Variants in SSUH2 observed in about 807,000 individuals in gnomAD.
SSUH2 encodes the protein protein SSUH2 homolog.
In SSUH2, 47 loss-of-function variants were observed where a neutral mutation model predicts 55.3. That is an observed-to-expected ratio of 0.85 (90% CI 0.67 to 1.08). The LOEUF is 1.08. Ranked by LOEUF, SSUH2 falls within the 50% of genes least tolerant of loss-of-function variation. The probability of loss-of-function intolerance (pLI) is 0.00; values close to 1 mark genes in which losing one functional copy is unlikely to be tolerated. For synonymous variants in SSUH2, 212 were observed against 191.5 expected, an observed-to-expected ratio of 1.11 and a Z score of -0.89; for missense variants, 535 against 490.7, an observed-to-expected ratio of 1.09 and a Z score of -0.85.
chr3:8,623,515 G>A (rs557402819), intron 11 of SSUH2, 34 bp downstream of exon 11: 174 of 1,272,748 alleles, frequency 1.4e-4, no homozygotes, highest in African/African-American at 4.3e-4. Context: ...AGGAAGAGAC[G>A]TCAGAGCCAG....
intron 7 of SSUH2, among the ~76,000 whole-genome samples, chr3:8,656,344 A>T (rs915735265): frequency 2.0e-5 from 3 of 152,266 alleles, no homozygotes; most frequent in Non-Finnish European, 2.9e-5. Flanking sequence ...CTTCTAACAT[A>T]CAGGAAATGA....
intron 10 of SSUH2, among the ~76,000 whole-genome samples, chr3:8,624,768 A>C (rs907775235): frequency 1.3e-5 from 2 of 152,214 alleles, no homozygotes; most frequent in African/African-American, 4.8e-5. Flanking sequence ...AAAGGCAGGC[A>C]GTGGGCTGGG....
chr3:8,648,636 T>G (rs971860483), upstream of SSUH2, among the ~76,000 whole-genome samples: 5 of 152,214 alleles, frequency 3.3e-5, no homozygotes, highest in Non-Finnish European at 7.3e-5. Flanking sequence ...TCTGTGACTC[T>G]GGTCTGCTGC....
At chr3:8,631,548 G>A (rs1382350010) in intron 5 of SSUH2, among the ~76,000 whole-genome samples, 2 of 152,168 alleles carry the variant, frequency 1.3e-5, no homozygotes, top group African/African-American at 4.8e-5. Flanking sequence ...TAAAAGAAGT[G>A]ACACGTGAGC....
chr3:8,623,641 CCACGATGGGGTA>C lies in SSUH2; in HGVS notation c.877_888del (p.Tyr293_Val296del). ...AGAGAGATGTCTCGCAGAGGGAAGT[CCACGATGGGGTA>C]CACCTGGGGGAAAGAGAGAGAGACA... On this transcript the variant is annotated inframe_deletion, in exon 11 of 12. Transcript: ENST00000544814. 1.3e-6 allele frequency: 2 copies of C among 1,531,660 alleles called. No individual in the cohort carries two copies. The highest frequency in any genetic ancestry group is 1.8e-6 in the Non-Finnish European group (2 of 1,131,382). 94.9% of individuals were successfully genotyped at this position (1,531,660 alleles called of 1,614,324 possible).
chr3:8,679,721 A>G, exon 2 of SSUH2: 1 of 186,660 alleles, frequency 5.4e-6, no homozygotes, highest in Non-Finnish European at 1.0e-5. Flanking sequence ...GACTGTGGGT[A>G]TTAGGTGTCT....
At chr3:8,623,486 A>C (rs1454589598) in intron 11 of SSUH2, 63 bp downstream of exon 11, 2 of 1,010,630 alleles carry the variant, frequency 2.0e-6, no homozygotes, top group Admixed American at 2.0e-5. Flanking sequence ...CGTTCTCAGG[A>C]AAGAGGGCTC....
Position 8,629,656 on chromosome 3 carries a change from T to G in SSUH2, c.588+8A>C. ...CACTGACTCACCAGTGGTTCACAGA[T>G]GACTCACCGTGCCCGCCCCGTGGCA... On this transcript the variant is annotated splice_region_variant and intron_variant, in intron 7 of 11. Coordinates refer to ENST00000544814, the MANE Select transcript of SSUH2 (RefSeq NM_001256748.3). The G allele has an allele frequency of 6.2e-7, 1 of 1,614,096 alleles. No individual in the cohort carries two copies. The highest frequency in any genetic ancestry group is 8.5e-7 in the Non-Finnish European group (1 of 1,179,986).
chr3:8,656,930 G>C (rs1404230969), intron 7 of SSUH2, among the ~76,000 whole-genome samples: 1 of 152,092 alleles, frequency 6.6e-6, no homozygotes, highest in Non-Finnish European at 1.5e-5. Context: ...ACCCAGGCTG[G>C]AGTGCAGTAG....
chr3:8,619,903 G>A lies in SSUH2; in HGVS notation c.1093C>T (p.Pro365Ser). 1 of 1,614,182 alleles carries A rather than the reference G, an allele frequency of 6.2e-7. No individual in the cohort carries two copies. ...TDHQVYAVDYPERYCCGCTIV is the reference protein window; with the variant it reads ...TDHQVYAVDYSERYCCGCTIV Reference sequence around the variant, plus strand: ...GTACAGCCACAGCAATACCGCTCAGGATAGTCCACCGCATACACCTGGTGG... The same window carrying A: ...GTACAGCCACAGCAATACCGCTCAGAATAGTCCACCGCATACACCTGGTGG... Residue 365 changes from proline to serine, a missense_variant, in exon 12 of 12, where the codon CCT becomes TCT. Physicochemically the swap from Pro to Ser is moderately conservative, Grantham distance 74. Coordinates refer to ENST00000544814, the MANE Select transcript of SSUH2 (RefSeq NM_001256748.3).
At chr3:8,673,283 T>C (rs1468471861) in intron 3 of SSUH2, among the ~76,000 whole-genome samples, 1 of 152,144 alleles carries the variant, frequency 6.6e-6, no homozygotes, top group Admixed American at 6.5e-5. Context: ...TGATCAGTTA[T>C]TAATATTGAT....
chr3:8,645,809 C>A (rs898708235), upstream of SSUH2, among the ~76,000 whole-genome samples: 5 of 152,202 alleles, frequency 3.3e-5, no homozygotes, highest in African/African-American at 7.2e-5. Context: ...TGGCTCCCAG[C>A]TGCTCCATAA....
chr3:8,638,976 A>T (rs746499918), intron 1 of SSUH2, among the ~76,000 whole-genome samples: 46 of 152,186 alleles, frequency 3.0e-4, no homozygotes, highest in Non-Finnish European at 6.3e-4. Flanking sequence ...GAGAGGTGGG[A>T]AACTCAGACT....
At chr3:8,659,314 T>C (rs941242849) in intron 6 of SSUH2, among the ~76,000 whole-genome samples, 12 of 152,304 alleles carry the variant, frequency 7.9e-5, no homozygotes, top group Middle Eastern at 3.4e-3. Context: ...TCTCCAAGCT[T>C]TACTTGTCTC....
At chr3:8,664,362 C>A (rs760975054) in intron 5 of SSUH2, among the ~76,000 whole-genome samples, 213 of 152,360 alleles carry the variant, frequency 1.4e-3, no homozygotes, top group Middle Eastern at 3.4e-3. Context: ...AGCATGTCCC[C>A]CTTTCCCTTG....
intron 3 of SSUH2, among the ~76,000 whole-genome samples, chr3:8,672,936 C>T (rs1216564531): frequency 6.6e-6 from 1 of 152,040 alleles, no homozygotes; most frequent in Non-Finnish European, 1.5e-5. Context: ...TAATATCATG[C>T]TCTCTCCCTC....
At chr3:8,678,891 G>GGT (rs1559567252) in intron 2 of SSUH2, among the ~76,000 whole-genome samples, 1 of 115,178 alleles carries the variant, frequency 8.7e-6, no homozygotes, top group East Asian at 2.2e-4. Context: ...CCCATTGCAA[G>GGT]GGAGGGAGGC....
chr3:8,680,612 T>C (rs1182718205), intron 1 of SSUH2, among the ~76,000 whole-genome samples: 1 of 152,096 alleles, frequency 6.6e-6, no homozygotes, highest in Non-Finnish European at 1.5e-5. Context: ...CCTTCTGTCA[T>C]ATTGAAAGTA....
chr3:8,634,365 A>T, intron 3 of SSUH2: 3 of 1,288,666 alleles, frequency 2.3e-6, no homozygotes, highest in Non-Finnish European at 3.0e-6. Context: ...TCCTCCTGGA[A>T]GTCCCTTCCC....
Sources: gnomAD v4.1 joint callset for allele counts (sites outside exome capture counted in the v4.1 genomes callset) on GRCh38, gnomAD v4.1.1 for gene constraint, MANE v1.5 for transcripts, NCBI Gene and HGNC (gene_info 2026-07-23, HGNC 2026-07-21) for gene names.